Variants in KIAA1217 observed in about 807,000 individuals in gnomAD.
KIAA1217 encodes KIAA1217, also known as sickle tail protein homolog.
A neutral mutation model predicts 163.9 loss-of-function variants in KIAA1217; 88 were observed. The observed-to-expected ratio is 0.54, with a 90% CI of 0.45 to 0.64. The LOEUF is 0.64. KIAA1217 is among the 30% of genes least tolerant of loss of function. KIAA1217 has a pLI of 0.00. For missense variants in KIAA1217, 2,372 were observed against 2,475.0 expected (o/e 0.96, Z 0.88); for synonymous variants, 903 against 923.1 (o/e 0.98, Z 0.39).
chr10:23,725,768 C>T lies in KIAA1217; in HGVS notation c.-321+30534C>T, dbSNP rs190132437. 4.6e-3 allele frequency among the ~76,000 whole-genome samples: 696 copies of T among 152,286 alleles called. 10 individuals are homozygous for T. The highest frequency in any genetic ancestry group is 9.3e-3 in the South Asian group (45 of 4,828). Reference sequence around the variant, plus strand: ...TTGACTTACAGAGACTAGCATTTTACTGTAATAAACACTTGGTTACATCTG... The same window carrying T: ...TTGACTTACAGAGACTAGCATTTTATTGTAATAAACACTTGGTTACATCTG... On this transcript the variant is annotated intron_variant, in intron 1 of 18. Coordinates refer to the KIAA1217 transcript ENST00000376462.
At chr10:23,970,945 A>G (rs1281135059) in intron 1 of KIAA1217, among the ~76,000 whole-genome samples, 1 of 152,220 alleles carries the variant, frequency 6.6e-6, no homozygotes, top group East Asian at 1.9e-4. Context: ...AGTTTTACAG[A>G]AGGAGTGAAA....
intron 2 of KIAA1217, among the ~76,000 whole-genome samples, chr10:24,090,198 G>A (rs1279437743): frequency 9.4e-5 from 12 of 127,532 alleles, no homozygotes; most frequent in Admixed American, 7.5e-4. Flanking sequence ...ACAGGGTCTC[G>A]CTCTCTTGCT....
At chr10:23,913,675 G>A (rs1842528332) in intron 1 of KIAA1217, among the ~76,000 whole-genome samples, 1 of 152,124 alleles carries the variant, frequency 6.6e-6, no homozygotes, top group Non-Finnish European at 1.5e-5. Flanking sequence ...TTCTAAAATA[G>A]CACTGTCCCT....
At chr10:24,019,485 A>T (rs141841549) in intron 2 of KIAA1217, among the ~76,000 whole-genome samples, 2,035 of 152,022 alleles carry the variant, frequency 0.013, 24 homozygotes, top group Middle Eastern at 0.051. Context: ...GCATTTGAAG[A>T]AAAAGAAAAT....
chr10:23,908,536 C>A (rs1842281666), intron 1 of KIAA1217, among the ~76,000 whole-genome samples: 1 of 152,036 alleles, frequency 6.6e-6, no homozygotes, highest in African/African-American at 2.4e-5. Flanking sequence ...TCTCTTGGTA[C>A]CCTCTCTGGG....
At chr10:23,850,948 G>A (rs932953880) in intron 1 of KIAA1217, among the ~76,000 whole-genome samples, 1 of 151,926 alleles carries the variant, frequency 6.6e-6, no homozygotes, top group African/African-American at 2.4e-5. Flanking sequence ...CAGCAAGGGG[G>A]AAATCCACCC....
intron 2 of KIAA1217, among the ~76,000 whole-genome samples, chr10:24,073,016 G>A (rs116999772): frequency 0.034 from 5,016 of 149,716 alleles, 107 homozygotes; most frequent in Middle Eastern, 0.097. Flanking sequence ...CCAAGATCAC[G>A]CCACTGCACT....
chr10:24,320,766 G>T (rs139381886), intron 2 of KIAA1217, among the ~76,000 whole-genome samples: 1 of 152,110 alleles, frequency 6.6e-6, no homozygotes, highest in Admixed American at 6.5e-5. Flanking sequence ...CAGAGAGGCC[G>T]GGCTCAGTGG....
chr10:24,234,676 A>AG (rs1230878442), intron 2 of KIAA1217, among the ~76,000 whole-genome samples: 6 of 151,532 alleles, frequency 4.0e-5, no homozygotes, highest in African/African-American at 1.2e-4. Context: ...AAAAAAAAAA[A>AG]AAAGAAACTA....
chr10:24,248,701 CCCTCATACCTAAA>C (rs1185381979), intron 2 of KIAA1217, among the ~76,000 whole-genome samples: 1 of 138,204 alleles, frequency 7.2e-6, no homozygotes, highest in Non-Finnish European at 1.5e-5. Context: ...AAAAAAATGT[CCCTCATACCTAAA>C]CCTTACCTCT....
chr10:24,441,160 T>G (rs2060468943), intron 5 of KIAA1217, among the ~76,000 whole-genome samples: 1 of 152,212 alleles, frequency 6.6e-6, no homozygotes, highest in Non-Finnish European at 1.5e-5. Flanking sequence ...GTTTGCAATG[T>G]GAGCGTGGCC....
chr10:24,421,589 A>G (rs935155539), intron 3 of KIAA1217, among the ~76,000 whole-genome samples: 11 of 152,318 alleles, frequency 7.2e-5, no homozygotes, highest in African/African-American at 2.6e-4. Flanking sequence ...AATCCTTCTA[A>G]CATTTCATCA....
At chr10:23,711,707 C>T (rs1010128316) in intron 1 of KIAA1217, among the ~76,000 whole-genome samples, 1 of 152,156 alleles carries the variant, frequency 6.6e-6, no homozygotes, top group African/African-American at 2.4e-5. Context: ...CAAAGTAACC[C>T]TGTTCACCAG....
Position 24,531,876 on chromosome 10 carries a change from G to C in KIAA1217, c.3129G>C (p.Lys1043Asn), listed in dbSNP as rs753616379. ...AGGACTTGGAAAAGCTGGGGGGAAAGTCGCCCCCTCCTCCTCCGCCACCTC... is the reference window on the plus strand; with the variant it reads ...AGGACTTGGAAAAGCTGGGGGGAAACTCGCCCCCTCCTCCTCCGCCACCTC... Reference protein sequence around the residue: ...SEQDLEKLGGKSPPPPPPPPR... With the variant: ...SEQDLEKLGGNSPPPPPPPPR... Residue 1043 changes from lysine to asparagine, a missense_variant, in exon 15 of 21, where the codon AAG becomes AAC. Lys to Asn is a moderately conservative substitution (Grantham distance 94, BLOSUM62 0). Around this residue, in one of 3 missense-constraint regions of KIAA1217, gnomAD observed 1,431 missense variants for 1,470.3 expected, o/e 0.97. Transcript: ENST00000376454. 1.2e-5 allele frequency: 20 copies of C among 1,608,482 alleles called. No homozygotes were observed. Among genetic ancestry groups the C allele is most frequent in the Non-Finnish European group, 1.3e-5 (15 of 1,176,820 alleles).
At chr10:24,482,969 A>C (rs566610406) in intron 6 of KIAA1217, 2 of 149,654 alleles carry the variant, frequency 1.3e-5, no homozygotes, top group Admixed American at 1.4e-4. Flanking sequence ...GCAGTGAGCT[A>C]TGATTGCACT....
chr10:24,325,251 C>G (rs1276836590), intron 2 of KIAA1217, among the ~76,000 whole-genome samples: 2 of 152,168 alleles, frequency 1.3e-5, no homozygotes, highest in African/African-American at 4.8e-5. Context: ...TTTCTTCTAT[C>G]TTTCAGGTAT....
At chr10:23,934,379 G>A (rs989093779) in intron 1 of KIAA1217, among the ~76,000 whole-genome samples, 2 of 150,882 alleles carry the variant, frequency 1.3e-5, no homozygotes, top group African/African-American at 4.9e-5. Context: ...AGGGCCTGTT[G>A]GGGGGTGAGG....
At chr10:24,344,190 T>A (rs220344) in intron 2 of KIAA1217, among the ~76,000 whole-genome samples, 133,033 of 152,284 alleles carry the variant, frequency 0.87, 58,310 homozygotes, top group African/African-American at 0.92. Flanking sequence ...AACAAAATTT[T>A]AAATAAATAA....
At chr10:24,452,007 A>G (rs1436607079) in intron 5 of KIAA1217, among the ~76,000 whole-genome samples, 1 of 152,002 alleles carries the variant, frequency 6.6e-6, no homozygotes, top group Non-Finnish European at 1.5e-5. Flanking sequence ...CCAGGGGACC[A>G]TTTTTCTCTT....
Sources: allele counts gnomAD v4.1 joint callset (sites outside exome capture counted in the v4.1 genomes callset), GRCh38; gene constraint gnomAD v4.1.1; regional missense constraint gnomAD v4.1.1; transcripts MANE v1.5; gene names NCBI Gene and HGNC (gene_info 2026-07-23, HGNC 2026-07-21).